TENM3: variants seen among roughly 807,000 people sequenced by gnomAD.
TENM3 encodes the protein teneurin transmembrane protein 3.
A neutral mutation model predicts 255.1 loss-of-function variants in TENM3; 63 were observed. That is an observed-to-expected ratio of 0.25 (90% CI 0.20 to 0.30). The LOEUF is 0.30. Among genes scored for constraint, TENM3 ranks in the 10% least tolerant of loss-of-function variants. The probability of loss-of-function intolerance (pLI) is 1.00; values close to 1 mark genes in which losing one functional copy is unlikely to be tolerated. For missense variants in TENM3, 2,929 were observed against 3,461.1 expected, an observed-to-expected ratio of 0.85 and a Z score of 3.86; for synonymous variants, 1,306 against 1,322.3, an observed-to-expected ratio of 0.99 and a Z score of 0.27.
intron 1 of TENM3, among the ~76,000 whole-genome samples, chr4:182,222,542 T>G (rs1048452112): frequency 2.0e-5 from 3 of 152,224 alleles, no homozygotes; most frequent in Admixed American, 2.0e-4. Context: ...ATACACATCG[T>G]GAACACAGAG....
chr4:182,257,024 T>A (rs1370916818), intron 1 of TENM3, among the ~76,000 whole-genome samples: 1 of 152,214 alleles, frequency 6.6e-6, no homozygotes, highest in Non-Finnish European at 1.5e-5. Context: ...TATTCAAGGT[T>A]TACTTGCAGT....
At chr4:182,665,785 A>G (rs1368726244) in intron 6 of TENM3, among the ~76,000 whole-genome samples, 1 of 152,082 alleles carries the variant, frequency 6.6e-6, no homozygotes, top group Non-Finnish European at 1.5e-5. Flanking sequence ...AGTCCCAGCT[A>G]CTCAGGAGGC....
intron 3 of TENM3, among the ~76,000 whole-genome samples, chr4:182,440,771 T>C (rs1772411321): frequency 6.6e-6 from 1 of 152,064 alleles, no homozygotes; most frequent in Admixed American, 6.6e-5. Context: ...GCTCCTCACT[T>C]CTGCGGAAGA....
intron 6 of TENM3, among the ~76,000 whole-genome samples, chr4:182,671,917 T>C (rs970321702): frequency 1.3e-5 from 2 of 152,114 alleles, no homozygotes; most frequent in Non-Finnish European, 2.9e-5. Context: ...GGTCTCACTG[T>C]GTTGCCCAGG....
At chr4:182,506,543 A>G (rs903328948) in intron 3 of TENM3, among the ~76,000 whole-genome samples, 1 of 152,214 alleles carries the variant, frequency 6.6e-6, no homozygotes, top group Non-Finnish European at 1.5e-5. Context: ...TATGTGTATT[A>G]TAATTTGTAC....
chr4:181,528,999 C>T, the TENM3 span, among the ~76,000 whole-genome samples: 1 of 152,130 alleles, frequency 6.6e-6, no homozygotes, highest in African/African-American at 2.4e-5. Flanking sequence ...GATTAGTATA[C>T]TTTAAAATGT....
the TENM3 span, among the ~76,000 whole-genome samples, chr4:181,599,616 T>G: frequency 2.0e-5 from 3 of 152,320 alleles, no homozygotes; most frequent in East Asian, 5.8e-4. Context: ...AATATAGCTC[T>G]CTAGTATTTT....
intron 5 of TENM3, among the ~76,000 whole-genome samples, chr4:182,644,401 T>C (rs1264104695): frequency 2.6e-5 from 4 of 152,230 alleles, no homozygotes; most frequent in Non-Finnish European, 5.9e-5. Flanking sequence ...TAATTTTCTT[T>C]AATTACACAT....
the TENM3 span, among the ~76,000 whole-genome samples, chr4:181,612,114 G>A: frequency 6.6e-6 from 1 of 152,096 alleles, no homozygotes; most frequent in Non-Finnish European, 1.5e-5. Context: ...CAGAGGAGAC[G>A]TCCGCCCCCA....
intron 22 of TENM3, among the ~76,000 whole-genome samples, chr4:182,761,615 C>CTT (rs1561213865): frequency 1.3e-5 from 2 of 152,026 alleles, no homozygotes; most frequent in Non-Finnish European, 2.9e-5. Context: ...CACACACACA[C>CTT]TTATACACAC....
the TENM3 span, among the ~76,000 whole-genome samples, chr4:181,803,003 A>G: frequency 2.6e-5 from 4 of 152,200 alleles, no homozygotes; most frequent in African/African-American, 9.7e-5. Flanking sequence ...AATAGAGGCT[A>G]TTTTATAACA....
the TENM3 span, among the ~76,000 whole-genome samples, chr4:181,801,683 T>TATAC: frequency 1.9e-3 from 200 of 102,920 alleles, no homozygotes; most frequent in Non-Finnish European, 2.0e-3. Context: ...TATATATATA[T>TATAC]ATATATATAT....
At chr4:181,923,649 A>T in the TENM3 span, among the ~76,000 whole-genome samples, 2 of 152,188 alleles carry the variant, frequency 1.3e-5, no homozygotes, top group African/African-American at 4.8e-5. Context: ...CATTAAGGGC[A>T]CAATTTGAAA....
At chr4:182,465,144 GTCTT>G (rs1400061144) in intron 3 of TENM3, among the ~76,000 whole-genome samples, 2 of 152,128 alleles carry the variant, frequency 1.3e-5, no homozygotes, top group African/African-American at 2.4e-5. Flanking sequence ...TTCTAGTAAT[GTCTT>G]TCTTAAGGAA....
chr4:182,397,737 C>T (rs1291948234), intron 3 of TENM3, among the ~76,000 whole-genome samples: 1 of 152,144 alleles, frequency 6.6e-6, no homozygotes, highest in Non-Finnish European at 1.5e-5. Flanking sequence ...ACCTGGAGGG[C>T]GGCTAAAACA....
chr4:182,009,033 C>T, the TENM3 span, among the ~76,000 whole-genome samples: 11 of 151,994 alleles, frequency 7.2e-5, no homozygotes, highest in Admixed American at 7.2e-4. Flanking sequence ...CACTTCAGGC[C>T]CTATCCATCT....
chr4:181,449,736 G>A, the TENM3 span, among the ~76,000 whole-genome samples: 4 of 152,168 alleles, frequency 2.6e-5, no homozygotes, highest in East Asian at 5.8e-4. Flanking sequence ...GCAATGAGCC[G>A]AGATCGTGCC....
At chr4:182,240,316 C>A (rs763930326), upstream of TENM3, among the ~76,000 whole-genome samples, 1 of 152,030 alleles carries the variant, frequency 6.6e-6, no homozygotes, top group Admixed American at 6.6e-5. Context: ...CAGAAGTGAC[C>A]CAGCAAGTAG....
At chr4:182,080,165 G>A in the TENM3 span, among the ~76,000 whole-genome samples, 1 of 152,124 alleles carries the variant, frequency 6.6e-6, no homozygotes, top group Non-Finnish European at 1.5e-5. Context: ...CCTAACCCAC[G>A]TTTCAAAACT....
Sources: allele counts gnomAD v4.1 joint callset (sites outside exome capture counted in the v4.1 genomes callset), GRCh38; gene constraint gnomAD v4.1.1; transcripts MANE v1.5; gene names NCBI Gene and HGNC (gene_info 2026-07-23, HGNC 2026-07-21).